Variants in PARP15 observed in about 807,000 individuals in gnomAD.
PARP15 encodes poly(ADP-ribose) polymerase family member 15, also known as protein mono-ADP-ribosyltransferase PARP15.
Under a neutral mutation model 62.1 loss-of-function variants are expected in PARP15, and 50 were observed. The ratio of observed to expected loss-of-function variants is 0.81; its 90% CI spans 0.64 to 1.02. The LOEUF (loss-of-function observed/expected upper bound fraction) is 1.02, where lower values mean the gene tolerates loss of function less well. PARP15 is among the 50% of genes least tolerant of loss of function. The probability of loss-of-function intolerance (pLI) is 0.00; values close to 1 mark genes in which losing one functional copy is unlikely to be tolerated. For missense variants in PARP15, 820 were observed against 826.5 expected (o/e 0.99, Z 0.10); for synonymous variants, 309 against 293.1 (o/e 1.05, Z -0.55).
At chr3:122,590,017 C>G (rs1474891963) in intron 1 of PARP15, among the ~76,000 whole-genome samples, 1 of 150,942 alleles carries the variant, frequency 6.6e-6, no homozygotes, top group African/African-American at 2.4e-5. Flanking sequence ...TCTCAAGTAG[C>G]TGGGACTACA....
At chr3:122,606,400 G>C (rs562778164) in intron 2 of PARP15, among the ~76,000 whole-genome samples, 1 of 152,278 alleles carries the variant, frequency 6.6e-6, no homozygotes, top group Non-Finnish European at 1.5e-5. Context: ...TATGTGTACA[G>C]CACACTATAG....
rs747514786 is a variant in PARP15 at position 122,610,643 on chromosome 3, C to G, written c.456C>G (p.Phe152Leu). ...CAGAGGAAAAAGTAGGTAACATATTCATGACAAGCGGCTGCAATCTGGACT... is the reference window on the plus strand; with the variant it reads ...CAGAGGAAAAAGTAGGTAACATATTGATGACAAGCGGCTGCAATCTGGACT... ...RETEEKVGNI[F>L]MTSGCNLDCK... The change falls in exon 3 of 12, where the codon TTC becomes TTG. Residue 152 changes from phenylalanine (F) to leucine (L), a missense_variant. Physicochemically the swap from Phe to Leu is conservative, Grantham distance 22. Transcript: ENST00000464300. 22 of 1,551,408 alleles carry G rather than the reference C, an allele frequency of 1.4e-5. No individual in the cohort carries two copies. In the Middle Eastern group the frequency reaches 8.3e-4, roughly 59 times the overall value.
At chr3:122,591,528 C>T (rs1188370331) in intron 1 of PARP15, among the ~76,000 whole-genome samples, 6 of 152,064 alleles carry the variant, frequency 3.9e-5, no homozygotes, top group African/African-American at 1.2e-4. Context: ...TTTGGGAGGC[C>T]GAGGCGGGCA....
At chr3:122,626,750 T>C (rs1364966940) in intron 8 of PARP15, 77 bp from the exon 9 acceptor site, 4 of 1,344,650 alleles carry the variant, frequency 3.0e-6, no homozygotes, top group Non-Finnish European at 4.1e-6. Context: ...TTCTCAGCAC[T>C]GAGAACTGGA....
Position 122,632,212 on chromosome 3 carries a change from T to C in PARP15, c.1565T>C (p.Ile522Thr). 6.2e-7 allele frequency: 1 copy of C among 1,613,144 alleles called. No individual in the cohort carries two copies. The highest frequency in any genetic ancestry group is 8.5e-7 in the Non-Finnish European group (1 of 1,179,728). Residue 522 changes from isoleucine (I) to threonine (T), a missense_variant, in exon 10 of 12, where the codon ATA becomes ACA. Coordinates refer to ENST00000464300, the MANE Select transcript of PARP15 (RefSeq NM_001113523.3). ...ACCCGAACTTGTTCTTCCTACGCAA[T>C]AGAGAAGGTAATACTGTGTTAAAAT... ...KFTRTCSSYA[I>T]EKIERIQNAF...
intron 1 of PARP15, among the ~76,000 whole-genome samples, chr3:122,598,283 A>G (rs1486021778): frequency 6.6e-6 from 1 of 152,238 alleles, no homozygotes; most frequent in Non-Finnish European, 1.5e-5. Context: ...GGTGTTTTAG[A>G]TAACAAACAT....
intron 6 of PARP15, among the ~76,000 whole-genome samples, chr3:122,617,584 C>T (rs1233814697): frequency 6.6e-6 from 1 of 152,232 alleles, no homozygotes; most frequent in Non-Finnish European, 1.5e-5. Flanking sequence ...TAGCTCTTCT[C>T]TTCTCTGCAT....
chr3:122,611,572 C>G (rs1405041541), intron 3 of PARP15, among the ~76,000 whole-genome samples: 1 of 152,168 alleles, frequency 6.6e-6, no homozygotes, highest in Non-Finnish European at 1.5e-5. Flanking sequence ...CTCCTGACCT[C>G]AAGTGATCCA....
chr3:122,617,158 A>C lies in PARP15; in HGVS notation c.994A>C (p.Lys332Gln). 1 of 1,611,878 alleles carries C rather than the reference A, an allele frequency of 6.2e-7. No individual in the cohort carries two copies. Among genetic ancestry groups the C allele is most frequent in the Non-Finnish European group, 8.5e-7 (1 of 1,178,578 alleles). Reference protein sequence around the residue: ...VNSTARTFNRKSGVSRAILEG... With the variant: ...VNSTARTFNRQSGVSRAILEG... ...CTCAACAGCAAGGACATTTAATCGG[A>C]AATCAGGTACTTTATTTAAGCAATA... The change falls in exon 6 of 12, where the codon AAA becomes CAA. Residue 332 changes from lysine (K) to glutamine (Q), a missense_variant. Coordinates refer to ENST00000464300, the MANE Select transcript of PARP15 (RefSeq NM_001113523.3).
chr3:122,631,003 T>C (rs1036189442), intron 9 of PARP15, among the ~76,000 whole-genome samples: 5 of 152,184 alleles, frequency 3.3e-5, no homozygotes, highest in Non-Finnish European at 1.5e-5. Context: ...TCCTGATAGC[T>C]TCCTGCTTTC....
chr3:122,613,375 A>G (rs1935714999), intron 4 of PARP15, 107 bp downstream of exon 4: 6 of 983,850 alleles, frequency 6.1e-6, no homozygotes, highest in Non-Finnish European at 7.6e-6. Flanking sequence ...TGTGCCTATA[A>G]GTGATGGTTG....
In PARP15 at chr3:122,621,537, A is replaced by G. The variant is rs1936342102; in HGVS notation, c.1157A>G (p.Lys386Arg). Residue 386 changes from lysine to arginine, a missense_variant, in exon 8 of 12, where the codon AAA (lysine) becomes AGA (arginine). By Grantham distance (26) the Lys-to-Arg change is conservative. Around this residue, in one of 3 missense-constraint regions of PARP15, gnomAD observed 731 missense variants for 727.7 expected, o/e 1.00. Transcript: ENST00000464300. ...IHVPGGKDVR[K>R]TVTSVLEECE... ...GTTCCTGGGGGAAAAGATGTCAGGAAAACGGTCACCAGTGTTCTAGAAGAG... is the reference window on the plus strand; with the variant it reads ...GTTCCTGGGGGAAAAGATGTCAGGAGAACGGTCACCAGTGTTCTAGAAGAG... 3.1e-6 allele frequency: 5 copies of G among 1,614,016 alleles called. No individual in the cohort carries two copies. Among genetic ancestry groups the G allele is most frequent in the Non-Finnish European group, 4.2e-6 (5 of 1,180,014 alleles).
In PARP15 at chr3:122,613,143, A is replaced by G. The variant is rs1225755408; in HGVS notation, c.646A>G (p.Lys216Glu). 6.4e-7 allele frequency: 1 copy of G among 1,551,768 alleles called. No homozygotes were observed. Among genetic ancestry groups the G allele is most frequent in the Admixed American group, 2.0e-5 (1 of 51,008 alleles). ...TGGAACAGGAAGTTTGCAGTTTCCC[A>G]AAGCTGTTTTTGCTAAACTAATCCT... ...MIGTGSLQFP[K>E]AVFAKLILSE... Residue 216 changes from lysine to glutamate, a missense_variant, in exon 4 of 12, where the codon AAA (lysine) becomes GAA (glutamate). Coordinates refer to ENST00000464300, the MANE Select transcript of PARP15 (RefSeq NM_001113523.3).
intron 2 of PARP15, among the ~76,000 whole-genome samples, chr3:122,607,125 A>G (rs1297769414): frequency 2.0e-5 from 3 of 152,240 alleles, no homozygotes; most frequent in Admixed American, 6.5e-5. Context: ...ATCAAACTCA[A>G]GAGACTTACT....
chr3:122,624,814 T>C (rs1018425706), intron 8 of PARP15, among the ~76,000 whole-genome samples: 2 of 152,198 alleles, frequency 1.3e-5, no homozygotes, highest in South Asian at 4.1e-4. Context: ...TTTCTGATTC[T>C]AAATATTCAC....
intron 8 of PARP15, among the ~76,000 whole-genome samples, chr3:122,623,894 A>G (rs1026411536): frequency 2.0e-5 from 3 of 152,206 alleles, no homozygotes; most frequent in African/African-American, 7.2e-5. Flanking sequence ...CTGTAATCCT[A>G]GCACTTTGCG....
At chr3:122,632,294 C>A in intron 10 of PARP15, 75 bp downstream of exon 10, 1 of 1,371,958 alleles carries the variant, frequency 7.3e-7, no homozygotes, top group Non-Finnish European at 1.0e-6. Flanking sequence ...TTAAATAACA[C>A]CCTTCCTTCC....
At chr3:122,591,536 G>T (rs1348383509) in intron 1 of PARP15, among the ~76,000 whole-genome samples, 1 of 152,184 alleles carries the variant, frequency 6.6e-6, no homozygotes, top group Non-Finnish European at 1.5e-5. Flanking sequence ...GCCGAGGCGG[G>T]CAGATCACGA....
chr3:122,606,839 C>T (rs568274260), intron 2 of PARP15, among the ~76,000 whole-genome samples: 1 of 152,312 alleles, frequency 6.6e-6, no homozygotes, highest in South Asian at 2.1e-4. Flanking sequence ...CATTTGGACA[C>T]CTGATGTTTA....
Sources: allele counts gnomAD v4.1 joint callset (sites outside exome capture counted in the v4.1 genomes callset), GRCh38; gene constraint gnomAD v4.1.1; regional missense constraint gnomAD v4.1.1; transcripts MANE v1.5; gene names NCBI Gene and HGNC (gene_info 2026-07-23, HGNC 2026-07-21).